SYCP1: variants seen among roughly 807,000 people sequenced by gnomAD.
SYCP1 encodes cancer/testis antigen 8.
A neutral mutation model predicts 153.1 loss-of-function variants in SYCP1; 64 were observed. The ratio of observed to expected loss-of-function variants is 0.42; its 90% CI spans 0.34 to 0.51. The LOEUF is 0.51. SYCP1 is among the 20% of genes least tolerant of loss of function. The pLI is 0.06. For missense variants in SYCP1, 997 were observed against 1,049.0 expected (o/e 0.95, Z 0.68); for synonymous variants, 384 against 341.8 (o/e 1.12, Z -1.36).
chr1:114,922,389 G>C (rs1367404020), intron 20 of SYCP1, among the ~76,000 whole-genome samples: 1 of 152,118 alleles, frequency 6.6e-6, no homozygotes, highest in African/African-American at 2.4e-5. Context: ...TTGGTTCATA[G>C]TTCCATAGGT....
intron 23 of SYCP1, 115 bp downstream of exon 23, chr1:114,926,678 T>C (rs1557806544): frequency 3.6e-6 from 3 of 840,668 alleles, no homozygotes; most frequent in African/African-American, 1.8e-5. Flanking sequence ...ACAGTATCAA[T>C]TGAAAAGTTG....
chr1:114,894,731 A>G (rs1666946366), intron 15 of SYCP1, among the ~76,000 whole-genome samples: 6 of 152,180 alleles, frequency 3.9e-5, no homozygotes. Flanking sequence ...AAACCTCCAC[A>G]ATGATGAAGA....
chr1:114,983,879 T>C (rs1232941880), intron 29 of SYCP1, among the ~76,000 whole-genome samples: 1 of 152,046 alleles, frequency 6.6e-6, no homozygotes, highest in Non-Finnish European at 1.5e-5. Flanking sequence ...CCATTTGTAC[T>C]GATGTCTCTG....
chr1:114,860,913 G>C (rs1409157566), intron 8 of SYCP1, 104 bp downstream of exon 8: 1 of 773,840 alleles, frequency 1.3e-6, no homozygotes, highest in East Asian at 2.9e-5. Context: ...AATTTGATTT[G>C]AACAAATTAT....
intron 27 of SYCP1, among the ~76,000 whole-genome samples, chr1:114,954,183 A>G (rs1671283871): frequency 1.3e-5 from 2 of 152,220 alleles, no homozygotes; most frequent in African/African-American, 2.4e-5. Context: ...TAACATGTCT[A>G]TGACCTTGCC....
intron 21 of SYCP1, among the ~76,000 whole-genome samples, chr1:114,924,652 A>G (rs1669139860): frequency 6.6e-6 from 1 of 152,136 alleles, no homozygotes; most frequent in Non-Finnish European, 1.5e-5. Context: ...TAAGCCTGAA[A>G]GTATCAGAGC....
intron 20 of SYCP1, among the ~76,000 whole-genome samples, chr1:114,915,713 T>C (rs1209878585): frequency 6.6e-6 from 1 of 152,194 alleles, no homozygotes; most frequent in Non-Finnish European, 1.5e-5. Flanking sequence ...GCCAAATTTC[T>C]AGAATTCTGT....
chr1:114,951,394 A>G (rs1314181417), intron 27 of SYCP1, among the ~76,000 whole-genome samples: 8 of 152,240 alleles, frequency 5.3e-5, no homozygotes, highest in Admixed American at 5.2e-4. Context: ...TACATATTAT[A>G]TTTGAATTTA....
intron 30 of SYCP1, among the ~76,000 whole-genome samples, chr1:114,990,244 A>G (rs1238636145): frequency 6.6e-6 from 1 of 151,984 alleles, no homozygotes; most frequent in Non-Finnish European, 1.5e-5. Flanking sequence ...TTAGCCAATC[A>G]GTGGGTCAAA....
chr1:114,870,198 G>A (rs12073063), intron 8 of SYCP1, among the ~76,000 whole-genome samples: 2 of 151,930 alleles, frequency 1.3e-5, no homozygotes, highest in Non-Finnish European at 2.9e-5. Flanking sequence ...ATTTTTTGTA[G>A]AGAAGGGGTT....
rs185147889 is a variant in SYCP1, at chr1:114,889,389, G to A, written c.1258+1696G>A. Among the ~76,000 whole-genome samples the A allele has an allele frequency of 2.4e-3, 368 of 151,554 alleles. 1 individual carries two copies. The highest frequency in any genetic ancestry group is 8.5e-3 in the African/African-American group (352 of 41,178). On this transcript the variant is annotated intron_variant, in intron 15 of 31. Coordinates refer to ENST00000369522, the MANE Select transcript of SYCP1 (RefSeq NM_003176.4). ...GTTGTTTCCTGACTTTTTAATGATC[G>A]CCATTCTAACTGCTGTGAGATGGTA...
At chr1:114,926,438 G>T in intron 22 of SYCP1, 63 bp from the exon 23 acceptor site, 1 of 1,488,394 alleles carries the variant, frequency 6.7e-7, no homozygotes, top group Non-Finnish European at 9.0e-7. Context: ...TTAAGTCTAA[G>T]TCAGTAGCAA....
intron 27 of SYCP1, among the ~76,000 whole-genome samples, chr1:114,974,349 AT>A (rs1280337150): frequency 3.3e-5 from 5 of 151,890 alleles, no homozygotes; most frequent in Admixed American, 6.6e-5. Context: ...TGTTATTGTG[AT>A]AAAAACATAT....
intron 20 of SYCP1, among the ~76,000 whole-genome samples, chr1:114,921,424 A>G (rs1668865585): frequency 6.6e-6 from 1 of 151,992 alleles, no homozygotes; most frequent in African/African-American, 2.4e-5. Context: ...CACTCCTGTA[A>G]TCCCAGCACT....
intron 2 of SYCP1, among the ~76,000 whole-genome samples, chr1:114,856,199 C>A (rs570711657): frequency 6.6e-6 from 1 of 152,006 alleles, no homozygotes; most frequent in Non-Finnish European, 1.5e-5. Flanking sequence ...CTGCTATAGG[C>A]AATAATATAT....
intron 20 of SYCP1, 148 bp from the exon 21 acceptor site, chr1:114,923,301 T>A (rs1669021552): frequency 1.3e-6 from 1 of 770,182 alleles, no homozygotes. Context: ...GGGCTCTTGT[T>A]TGTACTTATA....
At chr1:114,974,483 C>T (rs1163047137) in intron 27 of SYCP1, among the ~76,000 whole-genome samples, 1 of 151,808 alleles carries the variant, frequency 6.6e-6, no homozygotes, top group East Asian at 1.9e-4. Context: ...AGTCTATACC[C>T]ATTCAACACG....
intron 27 of SYCP1, among the ~76,000 whole-genome samples, chr1:114,969,634 C>T (rs1418889045): frequency 6.6e-6 from 1 of 152,148 alleles, no homozygotes; most frequent in Non-Finnish European, 1.5e-5. Context: ...GGCTTCAGCC[C>T]CTTTTCCAGG....
rs373222377 is a variant in SYCP1 at position 114,973,910 on chromosome 1, T to C, written c.2323-3647T>C. Among the ~76,000 whole-genome samples the C allele has an allele frequency of 5.3e-5, 8 of 152,060 alleles. No homozygotes were observed. In the South Asian group the frequency reaches 1.4e-3, roughly 28 times the overall value. On this transcript the variant is annotated intron_variant, in intron 27 of 31. Coordinates refer to ENST00000369522, the MANE Select transcript of SYCP1 (RefSeq NM_003176.4). The stretch of plus-strand genomic sequence containing the variant: ...TATTATCTTTCTCTTCCTTTTGAAT[T>C]CTCTACTAATTTTGCATTGCATATT...
Sources: allele counts gnomAD v4.1 joint callset (sites outside exome capture counted in the v4.1 genomes callset), GRCh38; gene constraint gnomAD v4.1.1; transcripts MANE v1.5; gene names NCBI Gene and HGNC (gene_info 2026-07-23, HGNC 2026-07-21).